Variants in KCNIP4 observed in about 807,000 individuals in gnomAD.
The protein encoded by KCNIP4 is Kv channel-interacting protein 4.
KCNIP4 carries 12 observed loss-of-function variants against 34.0 expected under a neutral mutation model. The observed-to-expected ratio is 0.35, with a 90% CI of 0.23 to 0.57. The LOEUF is 0.57. KCNIP4 is among the 20% of genes least tolerant of loss of function. KCNIP4 has a pLI of 0.83. For synonymous variants in KCNIP4, 124 were observed against 102.2 expected (o/e 1.21, Z -1.29); for missense variants, 238 against 311.7 (o/e 0.76, Z 1.78).
At chr4:21,580,890 T>C (rs1365789675) in intron 1 of KCNIP4, among the ~76,000 whole-genome samples, 2 of 152,068 alleles carry the variant, frequency 1.3e-5, no homozygotes, top group Admixed American at 6.5e-5. Context: ...GCTGCTAGCA[T>C]TTCTCCTTTT....
At chr4:20,752,480 T>C (rs1370340271) in intron 4 of KCNIP4, 7 of 152,230 alleles carry the variant, frequency 4.6e-5, no homozygotes, top group Non-Finnish European at 1.0e-4. Context: ...CAAGCCACTT[T>C]TATTTCAACT....
intron 1 of KCNIP4, among the ~76,000 whole-genome samples, chr4:21,894,110 T>C (rs914577194): frequency 5.3e-5 from 8 of 152,044 alleles, no homozygotes; most frequent in Admixed American, 1.3e-4. Flanking sequence ...GGAAGACAGA[T>C]CGCTAGAGGT....
intron 1 of KCNIP4, among the ~76,000 whole-genome samples, chr4:21,354,490 T>A (rs527726911): frequency 1.3e-5 from 2 of 152,026 alleles, no homozygotes; most frequent in South Asian, 4.2e-4. Context: ...AAAGCATGGG[T>A]TGTAATCCTA....
At chr4:21,315,537 TG>T (rs1321360640) in intron 1 of KCNIP4, among the ~76,000 whole-genome samples, 4 of 152,262 alleles carry the variant, frequency 2.6e-5, no homozygotes, top group East Asian at 3.9e-4. Context: ...TTTTCAACTG[TG>T]GGGGGGCCAG....
intron 1 of KCNIP4, among the ~76,000 whole-genome samples, chr4:21,506,122 T>C (rs1435045618): frequency 1.3e-5 from 2 of 152,112 alleles, no homozygotes; most frequent in Admixed American, 6.6e-5. Flanking sequence ...ATACAACAAC[T>C]TAATAGAAAT....
At chr4:21,230,015 G>T (rs1758678812) in intron 1 of KCNIP4, among the ~76,000 whole-genome samples, 1 of 152,128 alleles carries the variant, frequency 6.6e-6, no homozygotes, top group Non-Finnish European at 1.5e-5. Flanking sequence ...TTTGGAAATA[G>T]GGTGTTTGCA....
intron 1 of KCNIP4, among the ~76,000 whole-genome samples, chr4:21,562,991 A>G (rs1739581152): frequency 6.6e-6 from 1 of 152,084 alleles, no homozygotes; most frequent in African/African-American, 2.4e-5. Context: ...TGCATTTAAA[A>G]TTGTAATTTC....
intron 1 of KCNIP4, among the ~76,000 whole-genome samples, chr4:20,950,131 T>TAAA (rs57425716): frequency 2.5e-4 from 35 of 137,568 alleles, no homozygotes; most frequent in African/African-American, 3.3e-4. Context: ...TTTTTTAAAT[T>TAAA]AAAAAAAAAA....
At chr4:21,528,190 C>G (rs1404839969) in intron 1 of KCNIP4, among the ~76,000 whole-genome samples, 1 of 152,142 alleles carries the variant, frequency 6.6e-6, no homozygotes, top group Non-Finnish European at 1.5e-5. Flanking sequence ...AAACACTCAG[C>G]TTTGCAGTAC....
At chr4:21,558,120 A>C (rs1316360671) in intron 1 of KCNIP4, among the ~76,000 whole-genome samples, 1 of 152,180 alleles carries the variant, frequency 6.6e-6, no homozygotes, top group Non-Finnish European at 1.5e-5. Flanking sequence ...CAGAGAGCAC[A>C]CTGCATCCAA....
intron 1 of KCNIP4, among the ~76,000 whole-genome samples, chr4:21,565,091 T>C (rs1038664614): frequency 2.6e-5 from 4 of 152,124 alleles, no homozygotes; most frequent in African/African-American, 7.2e-5. Context: ...ACAATGGAGA[T>C]AAAAATCCTG....
intron 6 of KCNIP4, 76 bp downstream of exon 6, chr4:20,734,552 T>C (rs543378901): frequency 2.8e-6 from 2 of 707,958 alleles, no homozygotes; most frequent in African/African-American, 3.7e-5. Context: ...TTCAAATTAA[T>C]AATTGCAATT....
chr4:21,658,719 T>C (rs1748177509), intron 1 of KCNIP4, among the ~76,000 whole-genome samples: 1 of 152,170 alleles, frequency 6.6e-6, no homozygotes, highest in Non-Finnish European at 1.5e-5. Flanking sequence ...GCATATCCTT[T>C]AATACAACAC....
At chr4:21,074,944 A>G (rs1745337866) in intron 1 of KCNIP4, among the ~76,000 whole-genome samples, 2 of 152,106 alleles carry the variant, frequency 1.3e-5, no homozygotes, top group African/African-American at 4.8e-5. Context: ...GTAGTTGAGC[A>G]GTTTTGAGCG....
chr4:21,252,598 CT>C (rs913524325), intron 1 of KCNIP4, among the ~76,000 whole-genome samples: 41 of 152,188 alleles, frequency 2.7e-4, no homozygotes, highest in African/African-American at 8.9e-4. Context: ...GTTAACACCC[CT>C]GTGTGATGTC....
At chr4:21,672,669 G>A (rs1441281791) in intron 1 of KCNIP4, among the ~76,000 whole-genome samples, 1 of 152,214 alleles carries the variant, frequency 6.6e-6, no homozygotes, top group Non-Finnish European at 1.5e-5. Context: ...TGACGATTGG[G>A]ATAACCACAT....
chr4:21,647,283 G>T (rs1747092965), intron 1 of KCNIP4, among the ~76,000 whole-genome samples: 1 of 151,974 alleles, frequency 6.6e-6, no homozygotes, highest in African/African-American at 2.4e-5. Flanking sequence ...AATAAATGTT[G>T]CCAGAATTCT....
intron 1 of KCNIP4, among the ~76,000 whole-genome samples, chr4:21,592,643 C>T (rs528081770): frequency 1.3e-5 from 2 of 152,082 alleles, no homozygotes; most frequent in African/African-American, 4.8e-5. Flanking sequence ...AATTCAACAT[C>T]ATTGTAAGGC....
At chr4:20,899,166 G>A (rs73242552) in intron 1 of KCNIP4, among the ~76,000 whole-genome samples, 1 of 152,172 alleles carries the variant, frequency 6.6e-6, no homozygotes, top group South Asian at 2.1e-4. Flanking sequence ...TGTGGGTTCA[G>A]AATAAATTGT....
Sources: gnomAD v4.1 joint callset for allele counts (sites outside exome capture counted in the v4.1 genomes callset) on GRCh38, gnomAD v4.1.1 for gene constraint, MANE v1.5 for transcripts, NCBI Gene and HGNC (gene_info 2026-07-23, HGNC 2026-07-21) for gene names.